Variants in MRTFB observed in about 807,000 individuals in gnomAD.
MRTFB encodes the protein myocardin related transcription factor B.
A neutral mutation model predicts 104.2 loss-of-function variants in MRTFB; 29 were observed. That is an observed-to-expected ratio of 0.28 (90% confidence interval 0.21 to 0.38). The LOEUF (loss-of-function observed/expected upper bound fraction) is 0.38, where lower values mean the gene tolerates loss of function less well. Ranked by LOEUF, MRTFB falls within the 10% of genes least tolerant of loss-of-function variation. MRTFB has a pLI of 1.00. For missense variants in MRTFB, 1,270 were observed against 1,341.6 expected (o/e 0.95, Z 0.83); for synonymous variants, 535 against 519.5 (o/e 1.03, Z -0.41).
chr16:14,249,222 A>AG (rs1205072034), intron 13 of MRTFB, 141 bp downstream of exon 13: 1 of 966,044 alleles, frequency 1.0e-6, no homozygotes, highest in East Asian at 2.8e-5. Flanking sequence ...AATGAGCCTT[A>AG]GGTCAGATGC....
intron 3 of MRTFB, among the ~76,000 whole-genome samples, chr16:14,149,023 C>T (rs1283584460): frequency 6.6e-6 from 1 of 152,164 alleles, no homozygotes; most frequent in Non-Finnish European, 1.5e-5. Flanking sequence ...CTCAATTAGT[C>T]AGACTTTCCT....
intron 3 of MRTFB, among the ~76,000 whole-genome samples, chr16:14,171,265 T>C (rs544411690): frequency 1.8e-4 from 28 of 152,322 alleles, no homozygotes; most frequent in Middle Eastern, 3.4e-3. Flanking sequence ...TTCTAGATCC[T>C]CTTAGTAGAC....
intron 2 of MRTFB, among the ~76,000 whole-genome samples, chr16:14,139,240 A>G (rs937850475): frequency 6.6e-6 from 1 of 152,190 alleles, no homozygotes; most frequent in African/African-American, 2.4e-5. Flanking sequence ...AAACCACCTA[A>G]TTTAAAAAAA....
the MRTFB span, among the ~76,000 whole-genome samples, chr16:14,027,391 C>A: frequency 2.0e-5 from 3 of 152,056 alleles, no homozygotes; most frequent in East Asian, 1.9e-4. Flanking sequence ...GACAGTGCAA[C>A]TATAACAGGG....
At chr16:14,022,948 G>A in the MRTFB span, among the ~76,000 whole-genome samples, 4 of 151,664 alleles carry the variant, frequency 2.6e-5, no homozygotes, top group Non-Finnish European at 5.9e-5. Context: ...CACCGGCCTC[G>A]GCCTCCCAAA....
chr16:14,007,483 A>T, the MRTFB span, among the ~76,000 whole-genome samples: 26 of 152,294 alleles, frequency 1.7e-4, no homozygotes, highest in African/African-American at 6.0e-4. Flanking sequence ...TCAGTTTACC[A>T]TTTGGGTGAT....
intron 8 of MRTFB, among the ~76,000 whole-genome samples, chr16:14,225,757 G>A (rs2041975046): frequency 2.0e-5 from 3 of 152,146 alleles, no homozygotes; most frequent in Admixed American, 2.0e-4. Context: ...TCGAACTCCT[G>A]AGCTTAGAGA....
chr16:14,036,286 T>TTATATATATTTATATATA, the MRTFB span, among the ~76,000 whole-genome samples: 1 of 41,220 alleles, frequency 2.4e-5, no homozygotes, highest in African/African-American at 6.0e-5. Flanking sequence ...TATATGTATT[T>TTATATATATTTATATATA]TATATATATT....
intron 3 of MRTFB, among the ~76,000 whole-genome samples, chr16:14,206,840 G>A (rs2040966958): frequency 6.6e-6 from 1 of 151,766 alleles, no homozygotes; most frequent in African/African-American, 2.4e-5. Context: ...ACCCAAAGTA[G>A]CAATGTACCT....
chr16:14,127,394 C>A (rs1019419811), intron 2 of MRTFB, among the ~76,000 whole-genome samples: 2 of 152,092 alleles, frequency 1.3e-5, no homozygotes, highest in Non-Finnish European at 1.5e-5. Context: ...CGGTAAGTAT[C>A]TTTGTCTTAC....
chr16:14,088,008 G>T (rs1351341273), intron 2 of MRTFB, among the ~76,000 whole-genome samples: 1 of 152,178 alleles, frequency 6.6e-6, no homozygotes, highest in Non-Finnish European at 1.5e-5. Context: ...ATATTTAAAA[G>T]ACTTAATTCA....
intron 2 of MRTFB, among the ~76,000 whole-genome samples, chr16:14,112,150 C>A (rs2036302770): frequency 1.3e-5 from 2 of 151,946 alleles, no homozygotes; most frequent in South Asian, 2.1e-4. Context: ...AATGAGTGAC[C>A]CTGAAGCAGA....
At chr16:14,053,240 A>ATG in the MRTFB span, among the ~76,000 whole-genome samples, 25 of 151,518 alleles carry the variant, frequency 1.6e-4, no homozygotes, top group African/African-American at 4.6e-4. Flanking sequence ...GTGTGTGTGT[A>ATG]TGTGTGTGTG....
intron 3 of MRTFB, among the ~76,000 whole-genome samples, chr16:14,149,001 C>T (rs979885035): frequency 6.6e-6 from 1 of 152,162 alleles, no homozygotes; most frequent in Non-Finnish European, 1.5e-5. Flanking sequence ...AGTAAACATA[C>T]TTGCCAGCTC....
At chr16:14,251,235 G>T (rs987662234) in intron 13 of MRTFB, among the ~76,000 whole-genome samples, 6 of 152,012 alleles carry the variant, frequency 3.9e-5, no homozygotes, top group African/African-American at 1.4e-4. Flanking sequence ...AAATTAGTTG[G>T]GTGTGGTGGC....
In MRTFB at chr16:14,266,669, A is replaced by T. The variant is rs966352224; in HGVS notation, c.*5225A>T. On this transcript the variant is annotated 3_prime_UTR_variant, in exon 17 of 17. Transcript: ENST00000571589. Reference sequence around the variant, plus strand: ...ATTTTTATATGTGTGCACATTTATCATCAGATCTTTTGTACATAGTGGCAG... The same window carrying T: ...ATTTTTATATGTGTGCACATTTATCTTCAGATCTTTTGTACATAGTGGCAG... The T allele has an allele frequency of 2.0e-5, 3 of 152,226 alleles. No individual in the cohort carries two copies. Among genetic ancestry groups the T allele is most frequent in the Non-Finnish European group, 4.4e-5 (3 of 68,044 alleles). The allele number at this position is 152,226 out of a possible 1,614,324, so 9.4% of individuals were successfully genotyped here.
intron 2 of MRTFB, among the ~76,000 whole-genome samples, chr16:14,081,236 T>G (rs1383814960): frequency 2.0e-5 from 3 of 152,170 alleles, no homozygotes; most frequent in African/African-American, 7.2e-5. Context: ...TTAACTTGCA[T>G]TTATTAGTGC....
At chr16:14,049,069 CAGAG>C in the MRTFB span, among the ~76,000 whole-genome samples, 1 of 151,388 alleles carries the variant, frequency 6.6e-6, no homozygotes, top group South Asian at 2.1e-4. Flanking sequence ...CCGTCACAAC[CAGAG>C]AGAGAGAGAG....
At chr16:14,132,940 T>C (rs2037512603) in intron 2 of MRTFB, among the ~76,000 whole-genome samples, 1 of 152,244 alleles carries the variant, frequency 6.6e-6, no homozygotes, top group Admixed American at 6.5e-5. Flanking sequence ...GTCGTAGTAA[T>C]TTAACTAAAT....
Sources: gnomAD v4.1 joint callset for allele counts (sites outside exome capture counted in the v4.1 genomes callset) on GRCh38, gnomAD v4.1.1 for gene constraint, MANE v1.5 for transcripts, NCBI Gene and HGNC (gene_info 2026-07-23, HGNC 2026-07-21) for gene names.